The following NLGN1 variants were observed in gnomAD, a reference collection of about 807,000 sequenced individuals.
The protein encoded by NLGN1 is neuroligin-1.
Under a neutral mutation model 65.5 loss-of-function variants are expected in NLGN1, and 12 were observed. The ratio of observed to expected loss-of-function variants is 0.18; its 90% CI spans 0.12 to 0.30. NLGN1 has a LOEUF of 0.30. NLGN1 is among the 10% of genes least tolerant of loss of function. NLGN1 has a pLI of 1.00. For synonymous variants in NLGN1, 350 were observed against 359.5 expected (o/e 0.97, Z 0.30); for missense variants, 750 against 1,007.1 (o/e 0.74, Z 3.46).
At chr3:173,919,127 T>G (rs1299633173) in intron 4 of NLGN1, among the ~76,000 whole-genome samples, 1 of 151,974 alleles carries the variant, frequency 6.6e-6, no homozygotes, top group African/African-American at 2.4e-5. Flanking sequence ...TCCAGGATAA[T>G]CTCTATATCT....
intron 4 of NLGN1, among the ~76,000 whole-genome samples, chr3:173,940,373 G>A (rs1049375559): frequency 6.6e-6 from 1 of 152,070 alleles, no homozygotes; most frequent in East Asian, 1.9e-4. Context: ...ACAGGCATGA[G>A]CTACCATGCC....
chr3:173,527,950 G>T (rs1012858750), intron 2 of NLGN1, among the ~76,000 whole-genome samples: 1 of 152,260 alleles, frequency 6.6e-6, no homozygotes, highest in South Asian at 2.1e-4. Flanking sequence ...GGTCATTTGT[G>T]TTCAAGGTTA....
intron 4 of NLGN1, among the ~76,000 whole-genome samples, chr3:174,009,693 T>C (rs1041247253): frequency 6.6e-6 from 1 of 152,130 alleles, no homozygotes; most frequent in African/African-American, 2.4e-5. Context: ...TCTAAGTATC[T>C]TCATTAAATA....
chr3:173,940,183 G>T (rs1039259761), intron 4 of NLGN1, among the ~76,000 whole-genome samples: 1 of 144,204 alleles, frequency 6.9e-6, no homozygotes, highest in African/African-American at 2.6e-5. Context: ...CCGCCTCCTG[G>T]GTTCAAGCGA....
intron 4 of NLGN1, among the ~76,000 whole-genome samples, chr3:174,270,636 G>C (rs1749224017): frequency 1.3e-5 from 2 of 151,780 alleles, no homozygotes; most frequent in Non-Finnish European, 2.9e-5. Context: ...CTTGCTTGCT[G>C]AAAGTTTGGA....
intron 2 of NLGN1, among the ~76,000 whole-genome samples, chr3:173,440,852 C>T (rs1441117215): frequency 1.3e-5 from 2 of 152,130 alleles, no homozygotes; most frequent in East Asian, 3.9e-4. Flanking sequence ...GCCAGTCTTT[C>T]TTTTGAAGCC....
intron 2 of NLGN1, among the ~76,000 whole-genome samples, chr3:173,439,813 A>G (rs1297176952): frequency 2.0e-5 from 3 of 152,128 alleles, no homozygotes; most frequent in Non-Finnish European, 4.4e-5. Context: ...TTATTGCTGG[A>G]GGGTCTTGCC....
chr3:173,491,452 A>G (rs1325812654), intron 2 of NLGN1, among the ~76,000 whole-genome samples: 1 of 151,774 alleles, frequency 6.6e-6, no homozygotes, highest in East Asian at 1.9e-4. Context: ...AGCCCACTTG[A>G]TCATGGTGGA....
intron 4 of NLGN1, among the ~76,000 whole-genome samples, chr3:173,914,071 G>A (rs1740221266): frequency 6.6e-6 from 1 of 152,128 alleles, no homozygotes; most frequent in African/African-American, 2.4e-5. Flanking sequence ...AAATTTGGTT[G>A]CTCTGTGCTT....
At chr3:173,494,310 T>C (rs2149027474) in intron 2 of NLGN1, among the ~76,000 whole-genome samples, 1 of 151,924 alleles carries the variant, frequency 6.6e-6, no homozygotes, top group Non-Finnish European at 1.5e-5. Context: ...TTTCATCTGC[T>C]TTTGGGCATT....
At chr3:173,513,074 A>G (rs899952430) in intron 2 of NLGN1, among the ~76,000 whole-genome samples, 16 of 152,224 alleles carry the variant, frequency 1.1e-4, no homozygotes, top group African/African-American at 3.9e-4. Context: ...CTGGAGTTGG[A>G]TATTTCCCTT....
At chr3:173,714,298 G>T (rs1578089558) in intron 3 of NLGN1, among the ~76,000 whole-genome samples, 1 of 152,106 alleles carries the variant, frequency 6.6e-6, no homozygotes, top group Non-Finnish European at 1.5e-5. Context: ...CTCATCTAAA[G>T]TTGGGGCCAC....
intron 4 of NLGN1, among the ~76,000 whole-genome samples, chr3:174,045,498 T>C (rs544482459): frequency 6.6e-6 from 1 of 152,222 alleles, no homozygotes; most frequent in Non-Finnish European, 1.5e-5. Context: ...ATGGGGAGTA[T>C]AATTCAGATT....
intron 4 of NLGN1, among the ~76,000 whole-genome samples, chr3:173,873,453 A>T (rs1305896504): frequency 6.6e-6 from 1 of 152,200 alleles, no homozygotes; most frequent in Non-Finnish European, 1.5e-5. Flanking sequence ...ATTCTCTGTC[A>T]GTATAAGAAA....
At chr3:174,077,695 A>G (rs1218964863) in intron 4 of NLGN1, among the ~76,000 whole-genome samples, 5 of 152,108 alleles carry the variant, frequency 3.3e-5, no homozygotes, top group African/African-American at 1.2e-4. Context: ...AGCTGAGACT[A>G]CAGGCATGTG....
At chr3:174,195,283 A>G (rs1733199870) in intron 4 of NLGN1, among the ~76,000 whole-genome samples, 1 of 152,232 alleles carries the variant, frequency 6.6e-6, no homozygotes, top group Non-Finnish European at 1.5e-5. Context: ...AATAGAATAT[A>G]CAAGCAAGTT....
chr3:173,613,932 C>T (rs962985931), intron 3 of NLGN1, among the ~76,000 whole-genome samples: 1 of 150,908 alleles, frequency 6.6e-6, no homozygotes, highest in Non-Finnish European at 1.5e-5. Flanking sequence ...ATTTTTTGGT[C>T]CCCATTGCAG....
intron 4 of NLGN1, among the ~76,000 whole-genome samples, chr3:173,844,534 C>T (rs1319201132): frequency 1.3e-5 from 2 of 152,072 alleles, no homozygotes; most frequent in African/African-American, 4.8e-5. Context: ...TTCTGAAACA[C>T]AAGGAAGAAG....
At chr3:174,248,403 T>A (rs1744176004) in intron 4 of NLGN1, among the ~76,000 whole-genome samples, 1 of 152,230 alleles carries the variant, frequency 6.6e-6, no homozygotes, top group African/African-American at 2.4e-5. Context: ...TCAGCATTTA[T>A]TGAGCACATA....
Sources: allele counts gnomAD v4.1 joint callset (sites outside exome capture counted in the v4.1 genomes callset), GRCh38; gene constraint gnomAD v4.1.1; transcripts MANE v1.5; gene names NCBI Gene and HGNC (gene_info 2026-07-23, HGNC 2026-07-21).